SFI1: variants seen among roughly 807,000 people sequenced by gnomAD.
The protein encoded by SFI1 is SFI1 centrin binding protein.
A neutral mutation model predicts 207.5 loss-of-function variants in SFI1; 195 were observed. The observed-to-expected ratio is 0.94, with a 90% CI of 0.84 to 1.06. SFI1 has a LOEUF of 1.06. Among genes scored for constraint, SFI1 ranks in the 50% least tolerant of loss-of-function variants. The pLI, the probability that SFI1 is intolerant of heterozygous loss-of-function variation, is 0.00. For missense variants in SFI1, 1,634 were observed against 1,588.0 expected, an observed-to-expected ratio of 1.03 and a Z score of -0.49; for synonymous variants, 630 against 598.9, an observed-to-expected ratio of 1.05 and a Z score of -0.76.
At chr22:31,556,211 AT>A (rs34969911) in intron 6 of SFI1, among the ~76,000 whole-genome samples, 2 of 148,792 alleles carry the variant, frequency 1.3e-5, no homozygotes, top group South Asian at 2.1e-4. Context: ...TACAATTGAA[AT>A]TTTTTTTTCT....
chr22:31,525,456 G>A (rs981081573), intron 2 of SFI1, among the ~76,000 whole-genome samples: 3 of 152,100 alleles, frequency 2.0e-5, no homozygotes, highest in African/African-American at 4.8e-5. Flanking sequence ...CACTGGGTGC[G>A]ATGGGTCACA....
chr22:31,612,056 TTC>T, intron 24 of SFI1: 1 of 1,338,456 alleles, frequency 7.5e-7, no homozygotes, highest in Non-Finnish European at 9.6e-7. Flanking sequence ...CAAGGCCAGT[TTC>T]TCTCTCTACA....
At chr22:31,612,524 C>T (rs1306239816) in intron 24 of SFI1, 1 of 150,340 alleles carries the variant, frequency 6.7e-6, no homozygotes, top group Non-Finnish European at 1.5e-5. Context: ...CAAGACCAGC[C>T]TGGGCAACAT....
At chr22:31,602,866 G>C in intron 17 of SFI1, 81 bp downstream of exon 17, 1 of 1,475,184 alleles carries the variant, frequency 6.8e-7, no homozygotes, top group Non-Finnish European at 9.2e-7. Flanking sequence ...AGCTCCAAGT[G>C]CCTGTCTGGA....
intron 8 of SFI1, among the ~76,000 whole-genome samples, chr22:31,566,428 C>T (rs764758749): frequency 6.6e-6 from 1 of 152,176 alleles, no homozygotes; most frequent in Non-Finnish European, 1.5e-5. Context: ...ATCTGTTTCT[C>T]GGCTCTGTCT....
At chr22:31,525,850 G>A (rs2057855251) in intron 2 of SFI1, among the ~76,000 whole-genome samples, 2 of 152,080 alleles carry the variant, frequency 1.3e-5, no homozygotes, top group African/African-American at 4.8e-5. Context: ...TGCTGTTTTG[G>A]TTACTACAGC....
At chr22:31,589,945 C>T (rs1456393820) in intron 15 of SFI1, among the ~76,000 whole-genome samples, 1 of 151,398 alleles carries the variant, frequency 6.6e-6, no homozygotes, top group Non-Finnish European at 1.5e-5. Context: ...GTTCCATGAC[C>T]TGCCATCTGC....
At chr22:31,560,268 AAAC>A (rs1184085636) in intron 7 of SFI1, among the ~76,000 whole-genome samples, 2 of 152,132 alleles carry the variant, frequency 1.3e-5, no homozygotes, top group African/African-American at 2.4e-5. Context: ...AGGAAAAAAA[AAAC>A]AAGACTGAAA....
intron 15 of SFI1, among the ~76,000 whole-genome samples, chr22:31,597,531 G>C (rs531720297): frequency 6.6e-6 from 1 of 152,178 alleles, no homozygotes; most frequent in Admixed American, 6.5e-5. Flanking sequence ...GTCTCTCTGA[G>C]CCTCAGTCTC....
At position 31,518,092 on chromosome 22, in the gene SFI1, T is replaced by A. The variant is rs142336530; in HGVS notation, c.92+9716T>A. On this transcript the variant is annotated intron_variant, in intron 2 of 32. Coordinates refer to ENST00000400288, the MANE Select transcript of SFI1 (RefSeq NM_001007467.3). ...ATGCCTGCCTCCCAGGTTCAAGCCATTCTCCTGCCTCAGCCCCCAGAGTAG... is the reference window on the plus strand; with the variant it reads ...ATGCCTGCCTCCCAGGTTCAAGCCAATCTCCTGCCTCAGCCCCCAGAGTAG... Among the ~76,000 whole-genome samples the A allele has an allele frequency of 5.2e-3, 790 of 152,278 alleles. 7 individuals are homozygous for A. The highest frequency in any genetic ancestry group is 0.018 in the African/African-American group (749 of 41,558).
Position 31,603,750 on chromosome 22 carries a change from G to A in SFI1, c.1812G>A (p.Thr604=), listed in dbSNP as rs758574497. 24 of 1,537,534 alleles carry A rather than the reference G, an allele frequency of 1.6e-5. No individual in the cohort carries two copies. Among genetic ancestry groups the A allele is most frequent in the South Asian group, 1.3e-4 (10 of 77,476 alleles). Residue 604 remains threonine (T), a synonymous_variant, in exon 18 of 33, where the codon ACG becomes ACA. Coordinates refer to ENST00000400288, the MANE Select transcript of SFI1 (RefSeq NM_001007467.3). ...ESAQGLRTER[T]GRVRAAEFHM... is the part of the protein sequence containing the mutation. ...CTCTGCCATCTCCCCACAGGAGGAC[G>A]GGCAGGGTGCGGGCAGCAGAATTCC... is the stretch of plus-strand genomic sequence containing the variant.
At chr22:31,572,823 TTTA>T (rs1327462975) in intron 8 of SFI1, 1 of 378,290 alleles carries the variant, frequency 2.6e-6, no homozygotes, top group Admixed American at 3.9e-5. Context: ...GCTTGTTGAT[TTTA>T]TTCTTCTTTT....
intron 6 of SFI1, among the ~76,000 whole-genome samples, chr22:31,555,499 C>T (rs2061077026): frequency 6.6e-6 from 1 of 152,100 alleles, no homozygotes; most frequent in African/African-American, 2.4e-5. Context: ...TACTTTTAGG[C>T]CTTAAGGAAG....
At chr22:31,569,719 G>A (rs996472082) in intron 8 of SFI1, among the ~76,000 whole-genome samples, 2 of 152,068 alleles carry the variant, frequency 1.3e-5, no homozygotes, top group Non-Finnish European at 2.9e-5. Context: ...AAGCCAAGGC[G>A]GGGGGACAGC....
At chr22:31,507,654 A>AT (rs1196418718) in intron 1 of SFI1, among the ~76,000 whole-genome samples, 3 of 152,334 alleles carry the variant, frequency 2.0e-5, no homozygotes, top group East Asian at 3.9e-4. Flanking sequence ...ACATTATGAG[A>AT]TAAAAACAGC....
At chr22:31,594,021 G>A in intron 15 of SFI1, among the ~76,000 whole-genome samples, 1 of 136,224 alleles carries the variant, frequency 7.3e-6, no homozygotes. Flanking sequence ...AGAGGGAGAG[G>A]GAGAGGGAGG....
rs1397886846 is a variant in SFI1, at chr22:31,613,487, T to C, written c.2699T>C (p.Met900Thr). Residue 900 changes from methionine (M) to threonine (T), a missense_variant, in exon 26 of 33, where the codon ATG becomes ACG. Coordinates refer to ENST00000400288, the MANE Select transcript of SFI1 (RefSeq NM_001007467.3). ...ATRLLRFAAS[M>T]KASRQQLQAQ... ...CGGCTCCTGCGCTTTGCAGCCAGCA[T>C]GAAGGCCTCCCGGCAGCAGCTGCAG... is the stretch of plus-strand genomic sequence containing the variant. 1 of 1,598,280 alleles carries C rather than the reference T, an allele frequency of 6.3e-7. No homozygotes were observed. The highest frequency in any genetic ancestry group is 8.5e-7 in the Non-Finnish European group (1 of 1,176,416).
At chr22:31,564,366 A>C (rs1263513369) in intron 8 of SFI1, among the ~76,000 whole-genome samples, 2 of 150,838 alleles carry the variant, frequency 1.3e-5, no homozygotes, top group African/African-American at 4.9e-5. Flanking sequence ...CCAAGTACTC[A>C]CCAGCCTCAC....
chr22:31,580,407 A>AT, intron 12 of SFI1, 43 bp downstream of exon 12: 1 of 1,501,118 alleles, frequency 6.7e-7, no homozygotes, highest in Non-Finnish European at 9.2e-7. Flanking sequence ...TCTGAAGGCC[A>AT]TTCTCTCTCG....
Sources: allele counts gnomAD v4.1 joint callset (sites outside exome capture counted in the v4.1 genomes callset), GRCh38; gene constraint gnomAD v4.1.1; transcripts MANE v1.5; gene names NCBI Gene and HGNC (gene_info 2026-07-23, HGNC 2026-07-21).